The following STAB2 variants were observed in gnomAD, a reference collection of about 807,000 sequenced individuals.
STAB2 encodes the protein stabilin 2.
Under a neutral mutation model 338.1 loss-of-function variants are expected in STAB2, and 288 were observed. That is an observed-to-expected ratio of 0.85 (90% CI 0.77 to 0.94). The LOEUF is 0.94. STAB2 is among the 40% of genes least tolerant of loss of function. The pLI is 0.00. For missense variants in STAB2, 3,141 were observed against 3,210.1 expected (o/e 0.98, Z 0.52); for synonymous variants, 1,202 against 1,193.3 (o/e 1.01, Z -0.15).
chr12:103,740,833 C>A, intron 55 of STAB2, 77 bp downstream of exon 55: 1 of 1,476,060 alleles, frequency 6.8e-7, no homozygotes, highest in Non-Finnish European at 9.0e-7. Flanking sequence ...TTTGAATGTA[C>A]CAAAATTATA....
At chr12:103,682,819 G>T (rs147928112) in intron 25 of STAB2, among the ~76,000 whole-genome samples, 1 of 152,090 alleles carries the variant, frequency 6.6e-6, no homozygotes, top group Admixed American at 6.5e-5. Context: ...GTGGTGGCAC[G>T]TGCCTGTAAT....
intron 12 of STAB2, among the ~76,000 whole-genome samples, chr12:103,654,033 A>T (rs1873992039): frequency 6.6e-6 from 1 of 152,210 alleles, no homozygotes; most frequent in Non-Finnish European, 1.5e-5. Flanking sequence ...GCATGCATGG[A>T]TGGATGAATG....
chr12:103,704,523 G>C (rs1593259233), intron 35 of STAB2, 35 bp from the exon 36 acceptor site: 2 of 1,603,056 alleles, frequency 1.2e-6, no homozygotes. Context: ...TTGTATTAAA[G>C]TTAATTACAT....
At chr12:103,681,640 T>TG (rs1876914933) in intron 25 of STAB2, among the ~76,000 whole-genome samples, 1 of 144,572 alleles carries the variant, frequency 6.9e-6, no homozygotes, top group African/African-American at 2.6e-5. Context: ...TTTTTTTTTT[T>TG]GAGACAGAGT....
Position 103,759,283 on chromosome 12 carries a change from C to G in STAB2, c.7248+10C>G, listed in dbSNP as rs774701962. ...GGACCCACTCCAACCGGTACAAAGTCTTCTGGGCTTCTTGGGGGAACGGGA... is the reference window on the plus strand; with the variant it reads ...GGACCCACTCCAACCGGTACAAAGTGTTCTGGGCTTCTTGGGGGAACGGGA... On this transcript the variant is annotated intron_variant, in intron 65 of 68. Transcript: ENST00000388887. 2 of 1,612,084 alleles carry G rather than the reference C, an allele frequency of 1.2e-6. No homozygotes were observed. The highest frequency in any genetic ancestry group is 2.2e-5 in the South Asian group (2 of 90,844).
chr12:103,594,616 T>G, intron 3 of STAB2, 106 bp downstream of exon 3: 1 of 905,460 alleles, frequency 1.1e-6, no homozygotes, highest in East Asian at 2.5e-5. Flanking sequence ...TAACATCCGT[T>G]TGTAGAAATT....
Position 103,766,402 on chromosome 12 carries a change from C to T in STAB2, c.*66C>T. 1 of 1,535,680 alleles carries T rather than the reference C, an allele frequency of 6.5e-7. No homozygotes were observed. Among genetic ancestry groups the T allele is most frequent in the Non-Finnish European group, 8.8e-7 (1 of 1,135,028 alleles). On this transcript the variant is annotated 3_prime_UTR_variant, in exon 69 of 69. Coordinates refer to ENST00000388887, the MANE Select transcript of STAB2 (RefSeq NM_017564.10). ...TGGGCCATCAACTGTGAATTCTCAG[C>T]ACCAGTTGCCTTTTAGGAACGTAAA...
At chr12:103,673,115 T>A (rs924659040) in intron 22 of STAB2, among the ~76,000 whole-genome samples, 6 of 152,190 alleles carry the variant, frequency 3.9e-5, no homozygotes, top group African/African-American at 1.4e-4. Flanking sequence ...TGGTTTGATG[T>A]GATAGAGTGA....
intron 12 of STAB2, 137 bp downstream of exon 12, chr12:103,652,842 C>T (rs1873847132): frequency 3.0e-6 from 3 of 1,005,018 alleles, no homozygotes; most frequent in Non-Finnish European, 2.7e-6. Flanking sequence ...TTGTCAAACA[C>T]CTTATATAGG....
intron 15 of STAB2, among the ~76,000 whole-genome samples, chr12:103,656,631 T>A (rs1874197052): frequency 6.6e-6 from 1 of 152,110 alleles, no homozygotes; most frequent in South Asian, 2.1e-4. Flanking sequence ...CTTTTTAGAA[T>A]GCTTTCAGGT....
chr12:103,664,277 G>A (rs905419121), intron 18 of STAB2, among the ~76,000 whole-genome samples: 1 of 152,118 alleles, frequency 6.6e-6, no homozygotes, highest in Admixed American at 6.5e-5. Context: ...CCGAGTAGCT[G>A]GGACTACAGG....
At chr12:103,609,119 G>A (rs60478155) in intron 3 of STAB2, among the ~76,000 whole-genome samples, 20,390 of 152,080 alleles carry the variant, frequency 0.13, 1,584 homozygotes, top group South Asian at 0.31. Flanking sequence ...GTCAGGTAGT[G>A]TGATGCCTCC....
intron 43 of STAB2, 50 bp downstream of exon 43, chr12:103,715,938 A>G: frequency 6.3e-7 from 1 of 1,588,702 alleles, no homozygotes; most frequent in Non-Finnish European, 8.6e-7. Context: ...GGGAACTCCT[A>G]GGTCTTTAGA....
chr12:103,668,210 A>G (rs1257382674), intron 19 of STAB2, among the ~76,000 whole-genome samples: 1 of 152,232 alleles, frequency 6.6e-6, no homozygotes, highest in Non-Finnish European at 1.5e-5. Context: ...CCTAAGAGAA[A>G]AACTCAGACT....
In STAB2 at chr12:103,666,597, A is replaced by G. The variant is rs544149200; in HGVS notation, c.2085+244A>G. On this transcript the variant is annotated intron_variant, in intron 19 of 68. Transcript: ENST00000388887. ...TACTGTTTCTTCATCTGTAAATGAT[A>G]ATAACAAAAAGATTCACATAGATAA... is the stretch of plus-strand genomic sequence containing the variant. Among the ~76,000 whole-genome samples, 4 of 152,360 alleles carry G rather than the reference A, an allele frequency of 2.6e-5. No homozygotes were observed. In the South Asian group the frequency reaches 8.3e-4, roughly 32 times the overall value.
chr12:103,634,033 G>T (rs1957506090), intron 6 of STAB2, among the ~76,000 whole-genome samples: 1 of 152,196 alleles, frequency 6.6e-6, no homozygotes, highest in African/African-American at 2.4e-5. Flanking sequence ...AATGCTATTT[G>T]TAGGAGGATA....
chr12:103,670,563 CA>C, intron 21 of STAB2, 132 bp from the exon 22 acceptor site: 1 of 700,546 alleles, frequency 1.4e-6, no homozygotes. Context: ...CACATGACTC[CA>C]CTTTCCACGA....
rs1956725534 is a variant in STAB2 at position 103,587,345 on chromosome 12, AAAAGG to A, written c.-124_-120del. The A allele has an allele frequency of 1.3e-6, 1 of 780,992 alleles. No individual in the cohort carries two copies. The highest frequency in any genetic ancestry group is 2.1e-6 in the Non-Finnish European group (1 of 487,684). The allele number at this position is 780,992 out of a possible 1,614,324, so 48.4% of individuals were successfully genotyped here. ...ACCTATCTCCTGGTTCGATCTAGGA[AAAAGG>A]AAAGGAAGGGATTTAAAAGTAAACA... On this transcript the variant is annotated 5_prime_UTR_variant, in exon 1 of 69. Coordinates refer to ENST00000388887, the MANE Select transcript of STAB2 (RefSeq NM_017564.10).
chr12:103,714,834 C>T (rs1474754785), intron 42 of STAB2, among the ~76,000 whole-genome samples: 1 of 152,152 alleles, frequency 6.6e-6, no homozygotes, highest in Non-Finnish European at 1.5e-5. Context: ...ATAAGGATAG[C>T]CTCTTACGTA....
Sources: gnomAD v4.1 joint callset for allele counts (sites outside exome capture counted in the v4.1 genomes callset) on GRCh38, gnomAD v4.1.1 for gene constraint, MANE v1.5 for transcripts, NCBI Gene and HGNC (gene_info 2026-07-23, HGNC 2026-07-21) for gene names.